The following SDK1 variants were observed in gnomAD, a reference collection of about 807,000 sequenced individuals.
The protein encoded by SDK1 is sidekick cell adhesion molecule 1, also known as protein sidekick-1.
SDK1 carries 157 observed loss-of-function variants against 245.5 expected under a neutral mutation model. That is an observed-to-expected ratio of 0.64 (90% CI 0.56 to 0.73). SDK1 has a LOEUF of 0.73. Ranked by LOEUF, SDK1 falls within the 30% of genes least tolerant of loss-of-function variation. The pLI is 0.00. For missense variants in SDK1, 3,583 were observed against 3,002.3 expected (o/e 1.19, Z -4.52); for synonymous variants, 1,647 against 1,278.5 (o/e 1.29, Z -6.15).
At chr7:4,229,780 A>T (rs180797945) in intron 40 of SDK1, among the ~76,000 whole-genome samples, 2 of 152,342 alleles carry the variant, frequency 1.3e-5, no homozygotes, top group Admixed American at 1.3e-4. Flanking sequence ...CTATTACAAC[A>T]TAAAATTGTC....
At chr7:3,450,003 C>G (rs1024364050) in intron 1 of SDK1, among the ~76,000 whole-genome samples, 5 of 152,160 alleles carry the variant, frequency 3.3e-5, no homozygotes, top group East Asian at 1.9e-4. Context: ...TGGAAGTGGT[C>G]ACATCGGAGC....
At chr7:3,855,332 G>C (rs1780518992) in intron 5 of SDK1, among the ~76,000 whole-genome samples, 1 of 151,876 alleles carries the variant, frequency 6.6e-6, no homozygotes, top group African/African-American at 2.4e-5. Flanking sequence ...ACTTATGCAA[G>C]GAAATGCTGA....
chr7:3,659,309 A>G (rs1313004232), intron 4 of SDK1, among the ~76,000 whole-genome samples: 1 of 152,132 alleles, frequency 6.6e-6, no homozygotes, highest in Non-Finnish European at 1.5e-5. Context: ...TGTTCTCAGA[A>G]TTTCCAGCCT....
intron 5 of SDK1, among the ~76,000 whole-genome samples, chr7:3,896,534 C>T (rs747044410): frequency 7.9e-5 from 12 of 152,314 alleles, no homozygotes; most frequent in East Asian, 3.9e-4. Flanking sequence ...CCTGGGCCTC[C>T]GCAGACTCTA....
intron 30 of SDK1, among the ~76,000 whole-genome samples, chr7:4,151,378 G>A (rs1780370800): frequency 6.6e-6 from 1 of 152,214 alleles, no homozygotes; most frequent in Non-Finnish European, 1.5e-5. Flanking sequence ...CACGGGGCTT[G>A]TTTCCAGCAA....
At chr7:4,125,317 A>G (rs1325437548) in intron 25 of SDK1, among the ~76,000 whole-genome samples, 1 of 146,824 alleles carries the variant, frequency 6.8e-6, no homozygotes, top group Non-Finnish European at 1.5e-5. Flanking sequence ...GAATCGATGG[A>G]TGGGTGAATG....
Position 3,666,201 on chromosome 7 carries a change from C to T in SDK1, c.713+24096C>T, listed in dbSNP as rs946713822. On this transcript the variant is annotated intron_variant, in intron 4 of 44. Coordinates refer to ENST00000404826, the MANE Select transcript of SDK1 (RefSeq NM_152744.4). ...AATCCTTTTAGTAGTTTCCGGGCCT[C>T]AAGATGAAGTTCGAGCACTGGTCCT... Among the ~76,000 whole-genome samples, 6 of 152,186 alleles carry T rather than the reference C, an allele frequency of 3.9e-5. No homozygotes were observed. The East Asian group carries it at 1.2e-3, about 29-fold the overall frequency.
At chr7:3,753,646 C>G (rs1333737554) in intron 4 of SDK1, among the ~76,000 whole-genome samples, 1 of 152,160 alleles carries the variant, frequency 6.6e-6, no homozygotes, top group Non-Finnish European at 1.5e-5. Context: ...CCCGACAATT[C>G]TGTAAACCTG....
chr7:3,680,145 C>G (rs1784055806), intron 4 of SDK1, among the ~76,000 whole-genome samples: 1 of 152,176 alleles, frequency 6.6e-6, no homozygotes, highest in Admixed American at 6.5e-5. Context: ...AACGACTTGG[C>G]TGGATCTCAG....
At chr7:3,391,453 G>A (rs1781746268) in intron 1 of SDK1, among the ~76,000 whole-genome samples, 1 of 150,376 alleles carries the variant, frequency 6.6e-6, no homozygotes. Flanking sequence ...TTGCTTAAGC[G>A]TACATTTGGA....
Position 3,953,655 on chromosome 7 carries a change from A to G in SDK1, c.1150+1735A>G, listed in dbSNP as rs74346445. 3.3e-5 allele frequency among the ~76,000 whole-genome samples: 5 copies of G among 152,378 alleles called. No individual in the cohort carries two copies. In the East Asian group the frequency reaches 9.6e-4, roughly 29 times the overall value. On this transcript the variant is annotated intron_variant, in intron 7 of 44. Transcript: ENST00000404826. ...CAAGAGAAGAAATTTATCTCCCTTT[A>G]AACGAGAATGTTTGTTTCGATCATC...
chr7:4,119,428 C>T (rs1473555265), intron 25 of SDK1, among the ~76,000 whole-genome samples: 1 of 148,412 alleles, frequency 6.7e-6, no homozygotes, highest in Non-Finnish European at 1.5e-5. Flanking sequence ...GCACTGCAGC[C>T]TGGGTGGCAG....
intron 1 of SDK1, among the ~76,000 whole-genome samples, chr7:3,545,197 A>G (rs780669866): frequency 1.3e-5 from 2 of 152,092 alleles, no homozygotes; most frequent in African/African-American, 2.4e-5. Context: ...TCATTTCCAT[A>G]CTGTGCCCAA....
At chr7:3,469,909 T>C (rs1288540043) in intron 1 of SDK1, among the ~76,000 whole-genome samples, 1 of 152,218 alleles carries the variant, frequency 6.6e-6, no homozygotes, top group Non-Finnish European at 1.5e-5. Context: ...AGTATGCTAG[T>C]CAATGGTTTC....
At chr7:4,021,110 A>C (rs1031497972) in intron 17 of SDK1, among the ~76,000 whole-genome samples, 2 of 152,118 alleles carry the variant, frequency 1.3e-5, no homozygotes, top group Admixed American at 1.3e-4. Context: ...GTTTGTGCAG[A>C]GTTGTGGGAA....
chr7:3,587,882 C>T (rs993826135), intron 1 of SDK1, among the ~76,000 whole-genome samples: 16 of 152,222 alleles, frequency 1.1e-4, no homozygotes, highest in African/African-American at 3.4e-4. Flanking sequence ...TGTGTGTTCT[C>T]AGTAGCTGAC....
At chr7:4,248,753 T>G (rs1351805168) in intron 44 of SDK1, among the ~76,000 whole-genome samples, 1 of 152,000 alleles carries the variant, frequency 6.6e-6, no homozygotes, top group Non-Finnish European at 1.5e-5. Flanking sequence ...TGCAAAAATT[T>G]GCATGTGCAC....
At chr7:3,657,529 G>A (rs898267316) in intron 4 of SDK1, among the ~76,000 whole-genome samples, 2 of 152,188 alleles carry the variant, frequency 1.3e-5, no homozygotes, top group African/African-American at 2.4e-5. Context: ...AAGAGGGACT[G>A]TGAGAGCCAG....
At chr7:3,809,306 G>A (rs1306540816) in intron 4 of SDK1, among the ~76,000 whole-genome samples, 2 of 152,144 alleles carry the variant, frequency 1.3e-5, no homozygotes, top group African/African-American at 4.8e-5. Context: ...AAATATTCAT[G>A]AGAAATCCAC....
Sources: gnomAD v4.1 joint callset for allele counts (sites outside exome capture counted in the v4.1 genomes callset) on GRCh38, gnomAD v4.1.1 for gene constraint, MANE v1.5 for transcripts, NCBI Gene and HGNC (gene_info 2026-07-23, HGNC 2026-07-21) for gene names.